The following PRKG1 variants were observed in gnomAD, a reference collection of about 807,000 sequenced individuals.
The protein encoded by PRKG1 is protein kinase cGMP-dependent 1.
In PRKG1, 35 loss-of-function variants were observed where a neutral mutation model predicts 88.1. The ratio of observed to expected loss-of-function variants is 0.40; its 90% CI spans 0.30 to 0.53. The LOEUF (loss-of-function observed/expected upper bound fraction) is 0.53. Ranked by LOEUF, PRKG1 falls within the 20% of genes least tolerant of loss-of-function variation. The pLI is 0.59. For synonymous variants in PRKG1, 303 were observed against 292.5 expected, an observed-to-expected ratio of 1.04 and a Z score of -0.37; for missense variants, 540 against 839.8, an observed-to-expected ratio of 0.64 and a Z score of 4.41.
At chr10:51,746,060 G>A (rs1451318380) in intron 3 of PRKG1, among the ~76,000 whole-genome samples, 1 of 152,050 alleles carries the variant, frequency 6.6e-6, no homozygotes, top group Non-Finnish European at 1.5e-5. Flanking sequence ...TTGTTGCCCA[G>A]GCTCGTCTAG....
intron 9 of PRKG1, among the ~76,000 whole-genome samples, chr10:52,196,086 C>G (rs1839497101): frequency 6.6e-6 from 1 of 152,062 alleles, no homozygotes; most frequent in African/African-American, 2.4e-5. Context: ...GATCTCGGCT[C>G]ACTGCAAGCT....
At chr10:52,097,670 C>T (rs1847203248) in intron 7 of PRKG1, among the ~76,000 whole-genome samples, 1 of 151,758 alleles carries the variant, frequency 6.6e-6, no homozygotes, top group African/African-American at 2.4e-5. Flanking sequence ...GCTTTGTGTT[C>T]TTGTCAATTA....
intron 3 of PRKG1, among the ~76,000 whole-genome samples, chr10:51,485,775 A>G (rs1435673059): frequency 1.3e-5 from 2 of 152,160 alleles, no homozygotes; most frequent in Non-Finnish European, 2.9e-5. Context: ...GTCTTTGAGT[A>G]CTGATTTGAG....
rs73341282 is a variant in PRKG1 at position 52,051,593 on chromosome 10, C to T, written c.763-2891C>T. On this transcript the variant is annotated intron_variant, in intron 5 of 17. Transcript: ENST00000373980. ...TAGGATAAATGGAGGCAAAACATTACCATTATTACTAATAAAATCTGGGTT... is the reference window on the plus strand; with the variant it reads ...TAGGATAAATGGAGGCAAAACATTATCATTATTACTAATAAAATCTGGGTT... Among the ~76,000 whole-genome samples, 461 of 152,322 alleles carry T rather than the reference C, an allele frequency of 3.0e-3. 3 individuals are homozygous for T. Among genetic ancestry groups the T allele is most frequent in the African/African-American group, 0.011 (441 of 41,578 alleles).
At chr10:51,087,556 A>T (rs988523189) in intron 1 of PRKG1, among the ~76,000 whole-genome samples, 1 of 152,168 alleles carries the variant, frequency 6.6e-6, no homozygotes, top group Non-Finnish European at 1.5e-5. Context: ...TCTGTTGTTT[A>T]GCTATTTGTT....
At chr10:51,094,267 C>A (rs935920191) in intron 1 of PRKG1, among the ~76,000 whole-genome samples, 4 of 151,918 alleles carry the variant, frequency 2.6e-5, no homozygotes, top group African/African-American at 9.7e-5. Flanking sequence ...CAGCTTCTAA[C>A]AGTTCTTTGC....
rs560587303 is a variant in PRKG1, at chr10:51,554,231, TATG to T, written c.592+86398_592+86400del. Among the ~76,000 whole-genome samples the T allele has an allele frequency of 2.1e-3, 311 of 147,392 alleles. 1 individual carries two copies. Among genetic ancestry groups the T allele is most frequent in the African/African-American group, 7.4e-3 (300 of 40,624 alleles). ...GATATATGTATATTATATATGCATA[TATG>T]ATATGTATATATATTATACATATAT... On this transcript the variant is annotated intron_variant, in intron 3 of 17. Transcript: ENST00000373980.
At chr10:52,042,582 T>G (rs1845776686) in intron 5 of PRKG1, among the ~76,000 whole-genome samples, 1 of 152,016 alleles carries the variant, frequency 6.6e-6, no homozygotes. Context: ...TTCAAATGGA[T>G]TAAAGACTTA....
intron 2 of PRKG1, among the ~76,000 whole-genome samples, chr10:51,328,498 G>A (rs1446561030): frequency 1.3e-5 from 2 of 152,138 alleles, no homozygotes; most frequent in Non-Finnish European, 2.9e-5. Flanking sequence ...TATACCTAGT[G>A]TTGGTGTATA....
At chr10:51,566,885 T>C (rs531946952) in intron 3 of PRKG1, among the ~76,000 whole-genome samples, 1 of 150,850 alleles carries the variant, frequency 6.6e-6, no homozygotes, top group South Asian at 2.1e-4. Flanking sequence ...AAAAATACAG[T>C]AGATCTTAAA....
intron 2 of PRKG1, among the ~76,000 whole-genome samples, chr10:51,297,192 A>G (rs1367598179): frequency 6.6e-6 from 1 of 152,044 alleles, no homozygotes; most frequent in Non-Finnish European, 1.5e-5. Flanking sequence ...AGGGGGAAAA[A>G]GGGCATGTTG....
At chr10:51,493,187 T>C (rs1840754495) in intron 3 of PRKG1, among the ~76,000 whole-genome samples, 1 of 152,184 alleles carries the variant, frequency 6.6e-6, no homozygotes, top group Non-Finnish European at 1.5e-5. Context: ...ATCATTTAAT[T>C]GCTGTTTTTA....
intron 4 of PRKG1, among the ~76,000 whole-genome samples, chr10:51,866,344 T>C (rs1564683161): frequency 6.6e-6 from 1 of 152,066 alleles, no homozygotes; most frequent in Non-Finnish European, 1.5e-5. Context: ...ACCATAGATA[T>C]ATATGTCAAT....
intron 5 of PRKG1, among the ~76,000 whole-genome samples, chr10:51,938,278 C>A (rs561907161): frequency 6.6e-6 from 1 of 152,106 alleles, no homozygotes; most frequent in East Asian, 1.9e-4. Context: ...AGTTATTAGT[C>A]TCTTACTGTG....
At chr10:51,931,737 G>A (rs996848009) in intron 5 of PRKG1, among the ~76,000 whole-genome samples, 2 of 152,118 alleles carry the variant, frequency 1.3e-5, no homozygotes, top group Non-Finnish European at 2.9e-5. Context: ...AAATAATTTT[G>A]CATATTCCTT....
intron 3 of PRKG1, among the ~76,000 whole-genome samples, chr10:51,625,057 T>A (rs1343501257): frequency 1.3e-5 from 2 of 152,222 alleles, no homozygotes; most frequent in Non-Finnish European, 2.9e-5. Flanking sequence ...AAGATTTGAA[T>A]GTTGTCATCA....
intron 3 of PRKG1, among the ~76,000 whole-genome samples, chr10:51,550,805 G>C (rs1837109956): frequency 6.6e-6 from 1 of 151,736 alleles, no homozygotes; most frequent in African/African-American, 2.4e-5. Context: ...GGAAAACTAT[G>C]GTTTCAAACA....
chr10:51,839,516 T>C (rs1840215091), intron 4 of PRKG1, among the ~76,000 whole-genome samples: 1 of 152,220 alleles, frequency 6.6e-6, no homozygotes, highest in Admixed American at 6.5e-5. Context: ...TATGACTCAC[T>C]GATTTTGCAT....
At chr10:51,697,928 C>CCTCCTTGTATACTGA in intron 3 of PRKG1, 2 of 1,598,988 alleles carry the variant, frequency 1.3e-6, no homozygotes, top group East Asian at 2.3e-5. Flanking sequence ...TTGTATACCT[C>CCTCCTTGTATACTGA]CTCCTTGTAT....
Sources: allele counts gnomAD v4.1 joint callset (sites outside exome capture counted in the v4.1 genomes callset), GRCh38; gene constraint gnomAD v4.1.1; transcripts MANE v1.5; gene names NCBI Gene and HGNC (gene_info 2026-07-23, HGNC 2026-07-21).